Variants in DPP6 observed in about 807,000 individuals in gnomAD.
DPP6 encodes A-type potassium channel modulatory protein DPP6.
Under a neutral mutation model 122.6 loss-of-function variants are expected in DPP6, and 69 were observed. The observed-to-expected ratio is 0.56, with a 90% CI of 0.46 to 0.69. The LOEUF (loss-of-function observed/expected upper bound fraction) is 0.69. Among genes scored for constraint, DPP6 ranks in the 30% least tolerant of loss-of-function variants. The pLI is 0.00. For synonymous variants in DPP6, 418 were observed against 433.1 expected, an observed-to-expected ratio of 0.97 and a Z score of 0.43; for missense variants, 928 against 1,116.9, an observed-to-expected ratio of 0.83 and a Z score of 2.41.
chr7:154,575,588 G>A (rs1831595075), intron 5 of DPP6, among the ~76,000 whole-genome samples: 1 of 131,476 alleles, frequency 7.6e-6, no homozygotes, highest in Admixed American at 7.8e-5. Context: ...ATGTGTGAGC[G>A]GGTGTATGTG....
chr7:154,578,512 AGGGGCTATTCGG>A (rs1831835066), intron 5 of DPP6, among the ~76,000 whole-genome samples: 2 of 151,484 alleles, frequency 1.3e-5, no homozygotes, highest in Non-Finnish European at 2.9e-5. Flanking sequence ...CGGGCTTGGC[AGGGGCTATTCGG>A]GCTTGGCAGG....
At chr7:154,290,552 G>T (rs942916149) in intron 1 of DPP6, among the ~76,000 whole-genome samples, 36 of 151,568 alleles carry the variant, frequency 2.4e-4, no homozygotes, top group Admixed American at 2.1e-3. Flanking sequence ...TGAGGCAGGA[G>T]AATCCCTTGG....
intron 1 of DPP6, among the ~76,000 whole-genome samples, chr7:154,053,951 T>C (rs1441590892): frequency 6.7e-6 from 1 of 148,408 alleles, no homozygotes; most frequent in Non-Finnish European, 1.5e-5. Flanking sequence ...TGCAGAGGGC[T>C]GCTAGGACTT....
At chr7:154,171,978 G>T (rs1434186618) in intron 1 of DPP6, among the ~76,000 whole-genome samples, 1 of 152,124 alleles carries the variant, frequency 6.6e-6, no homozygotes, top group Non-Finnish European at 1.5e-5. Flanking sequence ...TTACTCTCCT[G>T]TTACAGATGT....
chr7:154,830,910 G>A (rs1216701807), intron 16 of DPP6, among the ~76,000 whole-genome samples: 1 of 152,216 alleles, frequency 6.6e-6, no homozygotes, highest in Non-Finnish European at 1.5e-5. Flanking sequence ...TAGATGAACT[G>A]GATGTTTACA....
chr7:154,456,552 GC>G (rs1174964520), intron 2 of DPP6, among the ~76,000 whole-genome samples: 1 of 113,174 alleles, frequency 8.8e-6, no homozygotes, highest in Non-Finnish European at 1.9e-5. Context: ...GATGCGGTAG[GC>G]TAAAAAATGC....
chr7:154,436,961 G>A lies in DPP6; in HGVS notation c.244-9253G>A, dbSNP rs530294596. Among the ~76,000 whole-genome samples the A allele has an allele frequency of 8.5e-4, 129 of 152,238 alleles. 1 individual carries two copies. Among genetic ancestry groups the A allele is most frequent in the African/African-American group, 3.0e-3 (123 of 41,536 alleles). On this transcript the variant is annotated intron_variant, in intron 1 of 25. Coordinates refer to ENST00000377770, the MANE Select transcript of DPP6 (RefSeq NM_130797.4). Reference sequence around the variant, plus strand: ...TGTCACTTAAAATTATATTTGTGAGGTTCATTCATGCTGTGCATGTAGTCA... The same window carrying A: ...TGTCACTTAAAATTATATTTGTGAGATTCATTCATGCTGTGCATGTAGTCA...
intron 1 of DPP6, among the ~76,000 whole-genome samples, chr7:154,153,506 G>A (rs1326581945): frequency 1.3e-5 from 2 of 152,174 alleles, no homozygotes; most frequent in African/African-American, 4.8e-5. Context: ...TTAGATAAAA[G>A]GCACTTGTTA....
chr7:153,784,544 G>A, the DPP6 span, among the ~76,000 whole-genome samples: 1 of 152,178 alleles, frequency 6.6e-6, no homozygotes, highest in Admixed American at 6.5e-5. Context: ...ATGACATAGT[G>A]TGATCAAATG....
intron 1 of DPP6, among the ~76,000 whole-genome samples, chr7:154,286,028 G>T (rs28544480): frequency 6.6e-6 from 1 of 152,016 alleles, no homozygotes; most frequent in East Asian, 1.9e-4. Context: ...AGAAAATATC[G>T]GTAATTTCTC....
chr7:154,166,774 G>A (rs991242567), intron 1 of DPP6, among the ~76,000 whole-genome samples: 5 of 148,688 alleles, frequency 3.4e-5, no homozygotes, highest in Non-Finnish European at 2.9e-5. Flanking sequence ...AGCCAGGCAT[G>A]GTGGCTGGTG....
intron 1 of DPP6, among the ~76,000 whole-genome samples, chr7:154,419,207 G>A (rs1450461480): frequency 2.6e-5 from 4 of 152,168 alleles, no homozygotes; most frequent in Non-Finnish European, 4.4e-5. Flanking sequence ...TTGAATGGGC[G>A]TTTGCATGTT....
Position 154,854,375 on chromosome 7 carries a change from C to T in DPP6, c.1714+548C>T, listed in dbSNP as rs1315377589. On this transcript the variant is annotated intron_variant, in intron 17 of 25. Transcript: ENST00000377770. ...CTCAACTTTGAATACAGCAAGATCC[C>T]GTGGGGGTTTATAGCCAGTGACCAG... Among the ~76,000 whole-genome samples, 7 of 152,092 alleles carry T rather than the reference C, an allele frequency of 4.6e-5. No individual in the cohort carries two copies. The South Asian group carries it at 8.3e-4, about 18-fold the overall frequency.
intron 5 of DPP6, among the ~76,000 whole-genome samples, chr7:154,585,804 T>C (rs77152788): frequency 0.011 from 1,619 of 152,290 alleles, 16 homozygotes; most frequent in Non-Finnish European, 0.016. Flanking sequence ...CCTTGGTGGT[T>C]GAATTTGTGG....
chr7:154,059,891 C>G (rs1801426907), intron 1 of DPP6, among the ~76,000 whole-genome samples: 1 of 151,798 alleles, frequency 6.6e-6, no homozygotes, highest in African/African-American at 2.4e-5. Flanking sequence ...AGCAACTGCC[C>G]TGCTAGTACA....
At chr7:154,370,273 A>G (rs1356948724) in intron 1 of DPP6, among the ~76,000 whole-genome samples, 1 of 151,384 alleles carries the variant, frequency 6.6e-6, no homozygotes, top group East Asian at 1.9e-4. Flanking sequence ...ATGAGCCACC[A>G]CGCTGGGCTG....
chr7:154,454,259 G>A (rs146011990), intron 2 of DPP6, among the ~76,000 whole-genome samples: 22 of 152,304 alleles, frequency 1.4e-4, no homozygotes, highest in Admixed American at 5.9e-4. Context: ...CATCTGCAGC[G>A]GACTGACTGG....
intron 1 of DPP6, among the ~76,000 whole-genome samples, chr7:153,897,796 A>G (rs968480557): frequency 1.1e-4 from 16 of 152,220 alleles, no homozygotes; most frequent in Non-Finnish European, 1.5e-4. Context: ...TAGTCTTCAT[A>G]CTGTTTTCCA....
chr7:154,159,686 G>A (rs1796877850), intron 1 of DPP6, among the ~76,000 whole-genome samples: 1 of 152,306 alleles, frequency 6.6e-6, no homozygotes, highest in Non-Finnish European at 1.5e-5. Context: ...GCACGGCACT[G>A]CCTAAAAAGC....
Sources: gnomAD v4.1 joint callset for allele counts (sites outside exome capture counted in the v4.1 genomes callset) on GRCh38, gnomAD v4.1.1 for gene constraint, MANE v1.5 for transcripts, NCBI Gene and HGNC (gene_info 2026-07-23, HGNC 2026-07-21) for gene names.